ROCK2: variants seen among roughly 807,000 people sequenced by gnomAD.
ROCK2 encodes the protein Rho associated coiled-coil containing protein kinase 2.
A neutral mutation model predicts 195.1 loss-of-function variants in ROCK2; 61 were observed. That is an observed-to-expected ratio of 0.31 (90% confidence interval 0.25 to 0.39). The LOEUF is 0.39. Among genes scored for constraint, ROCK2 ranks in the 10% least tolerant of loss-of-function variants. The probability of loss-of-function intolerance (pLI) is 1.00; values close to 1 mark genes in which losing one functional copy is unlikely to be tolerated. For missense variants in ROCK2, 1,109 were observed against 1,637.4 expected (o/e 0.68, Z 5.57); for synonymous variants, 504 against 545.5 (o/e 0.92, Z 1.06).
At chr2:11,226,023 T>C (rs762573305) in intron 6 of ROCK2, among the ~76,000 whole-genome samples, 8 of 152,222 alleles carry the variant, frequency 5.3e-5, no homozygotes, top group Non-Finnish European at 8.8e-5. Context: ...CCATAGTCTT[T>C]TATCATACAG....
chr2:11,196,334 G>T (rs1663635339), intron 27 of ROCK2, among the ~76,000 whole-genome samples: 1 of 152,146 alleles, frequency 6.6e-6, no homozygotes, highest in African/African-American at 2.4e-5. Context: ...CATATCCTTT[G>T]AATCAGTCGA....
At chr2:11,283,411 AT>A (rs1667077775) in intron 3 of ROCK2, among the ~76,000 whole-genome samples, 1 of 150,048 alleles carries the variant, frequency 6.7e-6, no homozygotes. Context: ...ATACAAAAAA[AT>A]TAGCCGGGCG....
intron 3 of ROCK2, among the ~76,000 whole-genome samples, chr2:11,269,796 G>A (rs1163120483): frequency 1.3e-5 from 2 of 152,138 alleles, no homozygotes; most frequent in African/African-American, 4.8e-5. Context: ...TGTCACCCAG[G>A]CTGGAGTAAA....
chr2:11,218,688 T>C (rs1290502764), intron 10 of ROCK2, among the ~76,000 whole-genome samples: 1 of 152,242 alleles, frequency 6.6e-6, no homozygotes, highest in Non-Finnish European at 1.5e-5. Flanking sequence ...ATTTTCTAAA[T>C]GTTATTATAG....
chr2:11,284,985 G>T (rs1374810084), intron 3 of ROCK2, among the ~76,000 whole-genome samples: 1 of 152,272 alleles, frequency 6.6e-6, no homozygotes, highest in Admixed American at 6.5e-5. Flanking sequence ...ATAGGAGGCT[G>T]GGTGCAGTGG....
In ROCK2 at chr2:11,194,671, T is replaced by G. The variant is rs138649961; in HGVS notation, c.3519+284A>C. Among the ~76,000 whole-genome samples the G allele has an allele frequency of 8.9e-3, 1,358 of 152,040 alleles. 16 individuals are homozygous for G. Among genetic ancestry groups the G allele is most frequent in the African/African-American group, 0.031 (1,282 of 41,524 alleles). ...ATAGTAACAGAGGAAAATAAATAAG[T>G]GGGTCTTTTTTACTATATTCACAGT... On this transcript the variant is annotated intron_variant, in intron 28 of 32. Coordinates refer to ENST00000315872, the MANE Select transcript of ROCK2 (RefSeq NM_004850.5).
At chr2:11,295,966 AAGAG>A (rs11413362) in intron 1 of ROCK2, among the ~76,000 whole-genome samples, 83 of 77,744 alleles carry the variant, frequency 1.1e-3, no homozygotes, top group African/African-American at 2.5e-3. Flanking sequence ...CAAAAAACAA[AAGAG>A]AGAGAGAGAG....
At chr2:11,196,101 A>G (rs1369537993) in intron 27 of ROCK2, among the ~76,000 whole-genome samples, 1 of 152,214 alleles carries the variant, frequency 6.6e-6, no homozygotes, top group Admixed American at 6.5e-5. Flanking sequence ...TAATCCTAAA[A>G]AAACCGCACA....
chr2:11,240,674 A>C (rs1341871384), intron 4 of ROCK2, among the ~76,000 whole-genome samples: 2 of 152,224 alleles, frequency 1.3e-5, no homozygotes, highest in African/African-American at 4.8e-5. Flanking sequence ...AAATGCTCTA[A>C]AATCAGATGG....
intron 1 of ROCK2, among the ~76,000 whole-genome samples, chr2:11,332,344 T>G (rs978294614): frequency 6.6e-6 from 1 of 152,188 alleles, no homozygotes; most frequent in African/African-American, 2.4e-5. Flanking sequence ...TATTCTATTT[T>G]TGGAATTCCA....
intron 3 of ROCK2, among the ~76,000 whole-genome samples, chr2:11,284,755 T>A (rs1313646332): frequency 6.6e-6 from 1 of 152,172 alleles, no homozygotes; most frequent in African/African-American, 2.4e-5. Context: ...GTTCTTTAAT[T>A]AAGACAGTAC....
intron 3 of ROCK2, among the ~76,000 whole-genome samples, chr2:11,254,029 T>C (rs764607757): frequency 6.6e-6 from 1 of 152,164 alleles, no homozygotes; most frequent in Non-Finnish European, 1.5e-5. Flanking sequence ...AGGTACAAAA[T>C]TTTATTAGGG....
At chr2:11,317,341 G>A (rs530444681) in intron 1 of ROCK2, among the ~76,000 whole-genome samples, 4 of 151,578 alleles carry the variant, frequency 2.6e-5, no homozygotes, top group Admixed American at 2.0e-4. Context: ...AGTGAAAAAA[G>A]TATGTGATTT....
chr2:11,299,626 G>A (rs961143577), intron 1 of ROCK2, among the ~76,000 whole-genome samples: 1 of 152,100 alleles, frequency 6.6e-6, no homozygotes, highest in African/African-American at 2.4e-5. Flanking sequence ...CCAGGAGCAG[G>A]TCTTTCTGCT....
At chr2:11,254,141 G>A (rs894023197) in intron 3 of ROCK2, among the ~76,000 whole-genome samples, 4 of 152,170 alleles carry the variant, frequency 2.6e-5, no homozygotes, top group African/African-American at 9.7e-5. Context: ...TTCTGGCTAT[G>A]ATGAAGTAAT....
chr2:11,324,425 AAAAAC>A (rs55779313), intron 1 of ROCK2, among the ~76,000 whole-genome samples: 1,513 of 150,750 alleles, frequency 0.01, 26 homozygotes, highest in African/African-American at 0.034. Context: ...CTCCGTCTCA[AAAAAC>A]AAAACAAAAC....
At chr2:11,269,224 T>C (rs2148161722) in intron 3 of ROCK2, among the ~76,000 whole-genome samples, 1 of 152,332 alleles carries the variant, frequency 6.6e-6, no homozygotes, top group East Asian at 1.9e-4. Context: ...TTAAAGTCTT[T>C]GTTTTGGCCA....
Position 11,344,076 on chromosome 2 carries a change from C to CT in ROCK2, c.60_61insA (p.Gly21ArgfsTer36). The CT allele has an allele frequency of 6.5e-7, 1 of 1,550,206 alleles. No individual in the cohort carries two copies. ...TTCCTCTGGCGGCTCGCGCCTGCCCCGTCCCCCGGCGCGGTCTCGGGGGCG... is the reference window on the plus strand; with the variant it reads ...TTCCTCTGGCGGCTCGCGCCTGCCCCTGTCCCCCGGCGCGGTCTCGGGGGCG... On this transcript the variant is annotated frameshift_variant, in exon 1 of 33. Coordinates refer to ENST00000315872, the MANE Select transcript of ROCK2 (RefSeq NM_004850.5). LOFTEE classifies it high-confidence loss of function. This position sits in a 1 kb window ranked among gnomAD's most constrained non-coding sequence, Gnocchi z 5.4.
At chr2:11,283,564 T>G in intron 3 of ROCK2, among the ~76,000 whole-genome samples, 1 of 29,202 alleles carries the variant, frequency 3.4e-5, no homozygotes, top group African/African-American at 7.1e-5. Flanking sequence ...CGAGACTCCG[T>G]CTCAAAAAAA....
Sources: gnomAD v4.1 joint callset for allele counts (sites outside exome capture counted in the v4.1 genomes callset) on GRCh38, gnomAD v4.1.1 for gene constraint, Gnocchi (gnomAD v3.1) non-coding constraint, MANE v1.5 for transcripts, NCBI Gene and HGNC (gene_info 2026-07-23, HGNC 2026-07-21) for gene names.